The following PTPRM variants were observed in gnomAD, a reference collection of about 807,000 sequenced individuals.
PTPRM encodes receptor-type tyrosine-protein phosphatase mu.
PTPRM carries 47 observed loss-of-function variants against 186.7 expected under a neutral mutation model. That is an observed-to-expected ratio of 0.25 (90% CI 0.20 to 0.32). The LOEUF is 0.32. PTPRM is among the 10% of genes least tolerant of loss of function. The pLI is 1.00. For missense variants in PTPRM, 1,494 were observed against 1,865.0 expected (o/e 0.80, Z 3.66); for synonymous variants, 668 against 674.9 (o/e 0.99, Z 0.16).
chr18:7,988,013 CAAA>C (rs57611700), intron 7 of PTPRM, among the ~76,000 whole-genome samples: 18,051 of 112,546 alleles, frequency 0.16, 1,036 homozygotes, highest in Middle Eastern at 0.31. Flanking sequence ...CCTGTGTCTA[CAAA>C]AAAAAAAAAA....
chr18:7,996,568 AG>A (rs1404753725), intron 7 of PTPRM, among the ~76,000 whole-genome samples: 1 of 152,144 alleles, frequency 6.6e-6, no homozygotes, highest in Non-Finnish European at 1.5e-5. Flanking sequence ...AAAAAATAAA[AG>A]TCTCCAAATT....
At chr18:8,114,731 T>C (rs1199370955) in intron 12 of PTPRM, 60 bp from the exon 13 acceptor site, 61 of 1,333,416 alleles carry the variant, frequency 4.6e-5, no homozygotes, top group Admixed American at 7.2e-5. Flanking sequence ...ATTACAGATA[T>C]TTCTATTTGT....
intron 1 of PTPRM, among the ~76,000 whole-genome samples, chr18:7,683,556 A>C (rs1431268339): frequency 6.6e-6 from 1 of 152,070 alleles, no homozygotes; most frequent in Non-Finnish European, 1.5e-5. Context: ...TGGATGTGGG[A>C]GATTGGCATA....
chr18:7,665,349 ATGT>A (rs1445613024), intron 1 of PTPRM, among the ~76,000 whole-genome samples: 2 of 152,070 alleles, frequency 1.3e-5, no homozygotes, highest in South Asian at 2.1e-4. Context: ...TTTCCTTATG[ATGT>A]TGTACAGTCT....
chr18:7,599,371 A>T (rs2037344092), intron 1 of PTPRM, among the ~76,000 whole-genome samples: 1 of 152,242 alleles, frequency 6.6e-6, no homozygotes, highest in South Asian at 2.1e-4. Context: ...TGCAGATTAC[A>T]CTATGAGAGT....
chr18:7,570,097 G>A (rs938872453), intron 1 of PTPRM, among the ~76,000 whole-genome samples: 18 of 152,272 alleles, frequency 1.2e-4, no homozygotes, highest in African/African-American at 4.3e-4. Flanking sequence ...CTGCACCCCA[G>A]CCTGGGTGAC....
At chr18:8,237,339 A>AG (rs146689627) in intron 14 of PTPRM, among the ~76,000 whole-genome samples, 4,291 of 150,156 alleles carry the variant, frequency 0.029, 202 homozygotes, top group African/African-American at 0.1. Context: ...TTCTCTTTGT[A>AG]GCTCCAAGTT....
In PTPRM at chr18:7,920,442, G is replaced by A. The variant is rs1599510450; in HGVS notation, c.548-6126G>A. 3.3e-5 allele frequency among the ~76,000 whole-genome samples: 5 copies of A among 152,102 alleles called. No homozygotes were observed. In the South Asian group the frequency reaches 1.0e-3, roughly 32 times the overall value. On this transcript the variant is annotated intron_variant, in intron 4 of 32. Coordinates refer to ENST00000580170, the MANE Select transcript of PTPRM (RefSeq NM_001105244.2). ...AAAGAGATGACAACTTATCTTTGAT[G>A]ACAAATAAAAGGACAGAAAAATGAA...
chr18:7,820,504 G>T (rs929095732), intron 2 of PTPRM, among the ~76,000 whole-genome samples: 2 of 152,172 alleles, frequency 1.3e-5, no homozygotes, highest in African/African-American at 4.8e-5. Context: ...CTTGAGGAGA[G>T]AACACTTAGA....
Position 8,231,383 on chromosome 18 carries a change from A to G in PTPRM, c.2301-12675A>G, listed in dbSNP as rs547615131. On this transcript the variant is annotated intron_variant, in intron 14 of 32. Coordinates refer to ENST00000580170, the MANE Select transcript of PTPRM (RefSeq NM_001105244.2). ...ACTCAGTCCAGTTTCAGAGCGGGAAACTGGAGGAGGAGTGATTTCTTCTTC... is the reference window on the plus strand; with the variant it reads ...ACTCAGTCCAGTTTCAGAGCGGGAAGCTGGAGGAGGAGTGATTTCTTCTTC... Among the ~76,000 whole-genome samples, 14 of 152,272 alleles carry G rather than the reference A, an allele frequency of 9.2e-5. No homozygotes were observed. In the East Asian group the frequency reaches 2.7e-3, roughly 29 times the overall value.
intron 1 of PTPRM, among the ~76,000 whole-genome samples, chr18:7,744,353 G>T (rs1375365647): frequency 1.3e-5 from 2 of 151,896 alleles, no homozygotes; most frequent in Non-Finnish European, 2.9e-5. Flanking sequence ...TGGAAAAAAA[G>T]GTTCAATTAT....
intron 23 of PTPRM, among the ~76,000 whole-genome samples, chr18:8,349,609 C>T (rs187129953): frequency 6.6e-6 from 1 of 152,336 alleles, no homozygotes; most frequent in East Asian, 1.9e-4. Flanking sequence ...CATTTAACTG[C>T]TCATTGGCCA....
At chr18:8,006,068 G>T (rs976579523) in intron 7 of PTPRM, among the ~76,000 whole-genome samples, 2 of 152,150 alleles carry the variant, frequency 1.3e-5, no homozygotes, top group African/African-American at 4.8e-5. Flanking sequence ...CCTTGTGAGG[G>T]TTTGTCGGAG....
chr18:7,602,726 A>G (rs1025017521), intron 1 of PTPRM, among the ~76,000 whole-genome samples: 3 of 151,110 alleles, frequency 2.0e-5, no homozygotes, highest in African/African-American at 7.3e-5. Context: ...AGTTAGTCCC[A>G]TTTCTCCTTG....
chr18:7,961,420 C>T (rs1225212130), intron 7 of PTPRM, among the ~76,000 whole-genome samples: 2 of 152,202 alleles, frequency 1.3e-5, no homozygotes, highest in Non-Finnish European at 2.9e-5. Context: ...ATAATGTTCT[C>T]CAGGTTTATC....
At position 8,143,720 on chromosome 18, in the gene PTPRM, C is replaced by T. The variant is rs1299608812; in HGVS notation, c.2241C>T (p.Ile747=). The change falls in exon 14 of 33, where the codon ATC becomes ATT. Residue 747 remains isoleucine (I), a synonymous_variant. Coordinates refer to ENST00000580170, the MANE Select transcript of PTPRM (RefSeq NM_001105244.2). ...TDHTVKIAGV[I]AGILLFVIIF... ...ATACAGTTAAAATTGCTGGAGTCAT[C>T]GCGGGCATCTTGCTGTTCGTGATTA... 5.0e-6 allele frequency: 8 copies of T among 1,613,830 alleles called. No individual in the cohort carries two copies. Among genetic ancestry groups the T allele is most frequent in the African/African-American group, 1.3e-5 (1 of 75,022 alleles).
At chr18:7,983,511 T>C (rs1232553308) in intron 7 of PTPRM, among the ~76,000 whole-genome samples, 1 of 152,154 alleles carries the variant, frequency 6.6e-6, no homozygotes, top group East Asian at 1.9e-4. Flanking sequence ...ATATAGGCAT[T>C]TGTCTCATAG....
At chr18:7,639,790 G>A (rs962037865) in intron 1 of PTPRM, among the ~76,000 whole-genome samples, 1 of 152,186 alleles carries the variant, frequency 6.6e-6, no homozygotes, top group African/African-American at 2.4e-5. Flanking sequence ...ATTTCTTGCT[G>A]TATTTTCATT....
chr18:7,888,521 T>C (rs2048900334), intron 3 of PTPRM, 144 bp downstream of exon 3: 1 of 954,390 alleles, frequency 1.0e-6, no homozygotes, highest in African/African-American at 1.7e-5. Flanking sequence ...CATCCTATAC[T>C]GTTGGTGGGA....
Sources: gnomAD v4.1 joint callset for allele counts (sites outside exome capture counted in the v4.1 genomes callset) on GRCh38, gnomAD v4.1.1 for gene constraint, MANE v1.5 for transcripts, NCBI Gene and HGNC (gene_info 2026-07-23, HGNC 2026-07-21) for gene names.